Variants in ADGRL3 observed in about 807,000 individuals in gnomAD.
ADGRL3 encodes the protein calcium-independent alpha-latrotoxin receptor 3.
A neutral mutation model predicts 153.5 loss-of-function variants in ADGRL3; 62 were observed. That is an observed-to-expected ratio of 0.40 (90% CI 0.33 to 0.50). The LOEUF is 0.50. ADGRL3 is among the 20% of genes least tolerant of loss of function. The pLI, the probability that ADGRL3 is intolerant of heterozygous loss-of-function variation, is 0.47. For missense variants in ADGRL3, 1,641 were observed against 1,859.4 expected (o/e 0.88, Z 2.16); for synonymous variants, 710 against 672.5 (o/e 1.06, Z -0.86).
At chr4:61,681,989 T>G (rs1470381299) in intron 6 of ADGRL3, among the ~76,000 whole-genome samples, 2 of 151,970 alleles carry the variant, frequency 1.3e-5, no homozygotes, top group East Asian at 1.9e-4. Context: ...GAAAGAAAAT[T>G]TAGTCAAATG....
At chr4:61,596,880 G>A (rs1416069683) in intron 5 of ADGRL3, among the ~76,000 whole-genome samples, 3 of 151,994 alleles carry the variant, frequency 2.0e-5, no homozygotes, top group Non-Finnish European at 4.4e-5. Flanking sequence ...GGAAATAACT[G>A]TTATCCTAGT....
chr4:61,609,248 G>A (rs988152789), intron 5 of ADGRL3, among the ~76,000 whole-genome samples: 18 of 152,048 alleles, frequency 1.2e-4, no homozygotes, highest in Non-Finnish European at 2.4e-4. Flanking sequence ...TTGCTCATCA[G>A]TATTCTCAGA....
Position 61,732,962 on chromosome 4 carries a change from G to A in ADGRL3, c.807G>A (p.Lys269=), listed in dbSNP as rs2096463767. 6.2e-7 allele frequency: 1 copy of A among 1,613,690 alleles called. No individual in the cohort carries two copies. The highest frequency in any genetic ancestry group is 8.5e-7 in the Non-Finnish European group (1 of 1,179,814). Residue 269 remains lysine (K), a synonymous_variant, in exon 8 of 27, where the codon AAG becomes AAA. Coordinates refer to ENST00000683033, the MANE Select transcript of ADGRL3 (RefSeq NM_001387552.1). ...FIAGRPTTTY[K]LPHRVDGTGF... ...CTGGAAGACCAACTACAACCTACAA[G>A]CTCCCTCACAGGGTGGATGGCACAG...
chr4:61,673,670 GA>G (rs1464111659), intron 5 of ADGRL3, among the ~76,000 whole-genome samples: 1 of 151,240 alleles, frequency 6.6e-6, no homozygotes, highest in Admixed American at 6.6e-5. Flanking sequence ...GTAAAGGACA[GA>G]ACCTTTAAAC....
chr4:61,450,766 A>G (rs2097663913), intron 2 of ADGRL3, among the ~76,000 whole-genome samples: 1 of 152,146 alleles, frequency 6.6e-6, no homozygotes, highest in African/African-American at 2.4e-5. Context: ...ATAGCCTTAA[A>G]CATTTCGAAC....
intron 5 of ADGRL3, among the ~76,000 whole-genome samples, chr4:61,634,538 A>G (rs1411197959): frequency 1.3e-5 from 2 of 152,192 alleles, no homozygotes. Flanking sequence ...ATTGTTAGCT[A>G]TGAAAAAAAT....
At chr4:61,734,845 C>T (rs1175270722) in intron 8 of ADGRL3, among the ~76,000 whole-genome samples, 1 of 152,186 alleles carries the variant, frequency 6.6e-6, no homozygotes, top group Non-Finnish European at 1.5e-5. Context: ...AATTGACTCT[C>T]CTTTGTTTTG....
chr4:61,901,339 C>T (rs2098663357), intron 11 of ADGRL3, among the ~76,000 whole-genome samples: 1 of 152,136 alleles, frequency 6.6e-6, no homozygotes, highest in South Asian at 2.1e-4. Flanking sequence ...TGCCATTTTA[C>T]ATCATTTGAC....
intron 8 of ADGRL3, among the ~76,000 whole-genome samples, chr4:61,759,988 T>A (rs1277832285): frequency 2.6e-5 from 4 of 152,208 alleles, no homozygotes; most frequent in African/African-American, 9.6e-5. Flanking sequence ...GAACATCGGA[T>A]ACTGGTGACC....
intron 9 of ADGRL3, among the ~76,000 whole-genome samples, chr4:61,857,525 T>C (rs1971888): frequency 0.96 from 146,454 of 152,096 alleles, 70,747 homozygotes; most frequent in East Asian, 1. Context: ...CAAAACAGCC[T>C]CGAAGAGTGA....
chr4:61,246,994 A>C (rs1757357461), intron 1 of ADGRL3, among the ~76,000 whole-genome samples: 1 of 152,160 alleles, frequency 6.6e-6, no homozygotes, highest in East Asian at 1.9e-4. Context: ...CCACTTATGG[A>C]TTATCTTCCA....
intron 2 of ADGRL3, among the ~76,000 whole-genome samples, chr4:61,438,217 A>G (rs1044923740): frequency 2.6e-5 from 4 of 152,160 alleles, no homozygotes; most frequent in Admixed American, 6.6e-5. Flanking sequence ...AGGAGGTAAG[A>G]ATATTTTAGT....
At position 61,236,008 on chromosome 4, in the gene ADGRL3, C is replaced by CTTTTTTTTTTTTTT. The variant is rs55932029; in HGVS notation, c.-240+34249_-240+34262dup. Among the ~76,000 whole-genome samples the CTTTTTTTTTTTTTT allele has an allele frequency of 7.0e-4, 67 of 95,886 alleles. 1 individual carries two copies. Among genetic ancestry groups the CTTTTTTTTTTTTTT allele is most frequent in the Non-Finnish European group, 9.3e-4 (49 of 52,542 alleles). The allele number at this position is 95,886 out of a possible 152,430, so 62.9% of individuals were successfully genotyped here. A position where few individuals can be genotyped will look rare whatever the true frequency, so the allele number is the denominator to read the frequency against. ...TCTTTATCAGTGTTTCTTTTCTTTT[C>CTTTTTTTTTTTTTT]TTTTTTTTTTTTTTTTTTTGAGATT... On this transcript the variant is annotated intron_variant, in intron 1 of 26. Coordinates refer to ENST00000683033, the MANE Select transcript of ADGRL3 (RefSeq NM_001387552.1).
chr4:61,747,012 A>G (rs1260164938), intron 8 of ADGRL3, among the ~76,000 whole-genome samples: 1 of 152,252 alleles, frequency 6.6e-6, no homozygotes, highest in African/African-American at 2.4e-5. Flanking sequence ...GCAATAAAAA[A>G]TGATAAAGGG....
At chr4:61,501,290 A>G (rs1390952708) in intron 3 of ADGRL3, among the ~76,000 whole-genome samples, 1 of 152,236 alleles carries the variant, frequency 6.6e-6, no homozygotes, top group East Asian at 1.9e-4. Flanking sequence ...GTAGCTTAAT[A>G]TAATTTTTAT....
chr4:61,947,689 G>A (rs544918523), intron 16 of ADGRL3, among the ~76,000 whole-genome samples: 3 of 152,244 alleles, frequency 2.0e-5, no homozygotes, highest in Admixed American at 1.3e-4. Flanking sequence ...GATATTTCAA[G>A]CAATTATGTC....
chr4:61,233,825 A>G (rs185725731), intron 1 of ADGRL3, among the ~76,000 whole-genome samples: 2 of 152,238 alleles, frequency 1.3e-5, no homozygotes, highest in East Asian at 3.9e-4. Context: ...AGCCATGGAA[A>G]TGGTGGGAAT....
At chr4:61,491,255 A>G (rs1260085280) in intron 2 of ADGRL3, among the ~76,000 whole-genome samples, 1 of 152,126 alleles carries the variant, frequency 6.6e-6, no homozygotes, top group Admixed American at 6.5e-5. Flanking sequence ...CATTGCTGTA[A>G]TGTACCTATG....
intron 2 of ADGRL3, among the ~76,000 whole-genome samples, chr4:61,461,027 A>G (rs548028067): frequency 6.6e-6 from 1 of 152,246 alleles, no homozygotes; most frequent in Non-Finnish European, 1.5e-5. Flanking sequence ...TGGAGATTGC[A>G]CCAGTGCACT....
Sources: gnomAD v4.1 joint callset for allele counts (sites outside exome capture counted in the v4.1 genomes callset) on GRCh38, gnomAD v4.1.1 for gene constraint, MANE v1.5 for transcripts, NCBI Gene and HGNC (gene_info 2026-07-23, HGNC 2026-07-21) for gene names.